DNAH8: variants seen among roughly 807,000 people sequenced by gnomAD.
The protein encoded by DNAH8 is axonemal beta dynein heavy chain 8.
DNAH8 carries 382 observed loss-of-function variants against 562.1 expected under a neutral mutation model. The observed-to-expected ratio is 0.68, with a 90% CI of 0.63 to 0.74. DNAH8 has a LOEUF of 0.74. Among genes scored for constraint, DNAH8 ranks in the 30% least tolerant of loss-of-function variants. DNAH8 has a pLI of 0.00. For missense variants in DNAH8, 5,203 were observed against 5,620.4 expected (o/e 0.93, Z 2.37); for synonymous variants, 1,881 against 1,919.4 (o/e 0.98, Z 0.52).
Position 38,758,005 on chromosome 6 carries a change from G to A in DNAH8, c.1515+1926G>A, listed in dbSNP as rs939998545. Among the ~76,000 whole-genome samples, 7 of 151,818 alleles carry A rather than the reference G, an allele frequency of 4.6e-5. No homozygotes were observed. The South Asian group carries it at 8.3e-4, about 18-fold the overall frequency. ...CTTAGGATTGACTTGGCAATTTTTT[G>A]CCAGGGCTCTTTTTTGGTGCCATAT... On this transcript the variant is annotated intron_variant, in intron 10 of 92. Transcript: ENST00000327475.
At chr6:38,982,517 T>G (rs2150714265) in intron 86 of DNAH8, 55 bp downstream of exon 86, 3 of 965,102 alleles carry the variant, frequency 3.1e-6, no homozygotes, top group East Asian at 2.4e-5. Flanking sequence ...AAATCAGGGT[T>G]CTACAGTCAT....
intron 88 of DNAH8, among the ~76,000 whole-genome samples, chr6:38,993,146 C>G (rs1049578929): frequency 3.3e-5 from 5 of 152,146 alleles, no homozygotes; most frequent in African/African-American, 9.7e-5. Context: ...TTGTCTTCCC[C>G]CATTCCATAT....
intron 14 of DNAH8, among the ~76,000 whole-genome samples, chr6:38,779,745 T>C (rs1371828685): frequency 6.6e-6 from 1 of 152,222 alleles, no homozygotes; most frequent in Non-Finnish European, 1.5e-5. Context: ...AATAATTATT[T>C]TTGTTACTCT....
At chr6:38,871,645 A>G (rs1228329981) in intron 49 of DNAH8, among the ~76,000 whole-genome samples, 2 of 152,128 alleles carry the variant, frequency 1.3e-5, no homozygotes, top group Non-Finnish European at 2.9e-5. Context: ...TTAATGAGAA[A>G]ACTGCAGACG....
chr6:38,777,189 G>A (rs1391688117), intron 13 of DNAH8, among the ~76,000 whole-genome samples: 2 of 152,022 alleles, frequency 1.3e-5, no homozygotes, highest in African/African-American at 2.4e-5. Flanking sequence ...ATTACTTTTA[G>A]TGTTTGGCTG....
intron 36 of DNAH8, among the ~76,000 whole-genome samples, chr6:38,846,069 T>G (rs185514723): frequency 7.9e-6 from 1 of 127,114 alleles, no homozygotes; most frequent in Admixed American, 8.7e-5. Flanking sequence ...GATGACCTCT[T>G]CATTTCATCT....
chr6:38,905,880 CTA>C (rs1462944086), intron 62 of DNAH8, among the ~76,000 whole-genome samples: 1 of 151,660 alleles, frequency 6.6e-6, no homozygotes, highest in Non-Finnish European at 1.5e-5. Flanking sequence ...TAAATTATGA[CTA>C]TGGTTTTTTT....
At chr6:38,782,601 G>A (rs1206766974) in intron 16 of DNAH8, among the ~76,000 whole-genome samples, 5 of 152,128 alleles carry the variant, frequency 3.3e-5, no homozygotes, top group East Asian at 1.9e-4. Context: ...TATTTTTATC[G>A]TTTGATACAT....
rs1781206765 is a variant in DNAH8 at position 38,915,133 on chromosome 6, C to G, written c.9964-68C>G. The G allele has an allele frequency of 3.8e-6, 5 of 1,301,568 alleles. No individual in the cohort carries two copies. In the Admixed American group the frequency reaches 1.2e-4, roughly 32 times the overall value. 80.6% of individuals were successfully genotyped at this position (1,301,568 alleles called of 1,614,324 possible). On this transcript the variant is annotated intron_variant, in intron 67 of 92. Coordinates refer to ENST00000327475, the MANE Select transcript of DNAH8 (RefSeq NM_001206927.2). ...ATTATGTTGAATAAATATTTGCTCACTATTCAGATCTATAAATTTTGCTTG... is the reference window on the plus strand; with the variant it reads ...ATTATGTTGAATAAATATTTGCTCAGTATTCAGATCTATAAATTTTGCTTG...
chr6:38,848,764 T>C lies in DNAH8; in HGVS notation c.5162T>C (p.Val1721Ala), dbSNP rs770159111. ...VQNLWVYLEA[V>A]FVGGDIAKQL... is the part of the protein sequence containing the mutation. Reference sequence around the variant, plus strand: ...AACCTTTGGGTTTATCTTGAAGCCGTCTTTGTAGGTGGAGATATTGCCAAA... The same window carrying C: ...AACCTTTGGGTTTATCTTGAAGCCGCCTTTGTAGGTGGAGATATTGCCAAA... The change falls in exon 37 of 93, where the codon GTC becomes GCC. Residue 1721 changes from valine (V) to alanine (A), a missense_variant. By Grantham distance (64) the Val-to-Ala change is moderately conservative. This residue lies in a region of DNAH8 where 2,176 missense variants were observed against 2,365.1 expected (regional missense o/e 0.92). Transcript: ENST00000327475. The C allele has an allele frequency of 1.9e-6, 3 of 1,613,386 alleles. No individual in the cohort carries two copies. The African/African-American group carries it at 4.0e-5, about 22-fold the overall frequency.
chr6:38,941,792 G>A (rs190312255), intron 79 of DNAH8, among the ~76,000 whole-genome samples: 6 of 152,304 alleles, frequency 3.9e-5, no homozygotes, highest in Non-Finnish European at 8.8e-5. Flanking sequence ...TGAAATCCAG[G>A]CAGCAGTGGC....
In DNAH8 at chr6:38,833,370, G is replaced by GT. The variant is rs1232282219; in HGVS notation, c.4302+945dup. 1.7e-3 allele frequency among the ~76,000 whole-genome samples: 241 copies of GT among 145,876 alleles called. 1 individual carries two copies. The highest frequency in any genetic ancestry group is 5.0e-3 in the African/African-American group (198 of 39,708). On this transcript the variant is annotated intron_variant, in intron 31 of 92. Coordinates refer to ENST00000327475, the MANE Select transcript of DNAH8 (RefSeq NM_001206927.2). ...AGACACAGCCAGTCACTTATATAATGTTTTTTTTTTAACATGTACTAAACA... is the reference window on the plus strand; with the variant it reads ...AGACACAGCCAGTCACTTATATAATGTTTTTTTTTTTAACATGTACTAAACA...
chr6:38,821,953 C>T (rs1772891126), intron 26 of DNAH8, among the ~76,000 whole-genome samples: 1 of 152,190 alleles, frequency 6.6e-6, no homozygotes, highest in Non-Finnish European at 1.5e-5. Context: ...TCCTGTCAGC[C>T]TGGCCACAAT....
chr6:38,770,371 T>C (rs369244749), intron 11 of DNAH8, 42 bp from the exon 12 acceptor site: 16 of 1,363,320 alleles, frequency 1.2e-5, no homozygotes, highest in Non-Finnish European at 1.6e-5. Context: ...CCTGAACAAA[T>C]GTCTCACTTT....
At chr6:38,930,150 A>G (rs1179044540) in intron 75 of DNAH8, among the ~76,000 whole-genome samples, 2 of 152,198 alleles carry the variant, frequency 1.3e-5, no homozygotes, top group Admixed American at 1.3e-4. Context: ...TAATAAAGTC[A>G]TTTTAATAAA....
In DNAH8 at chr6:38,919,053, T is replaced by C. The variant is rs372526692; in HGVS notation, c.10524+913T>C. Among the ~76,000 whole-genome samples the C allele has an allele frequency of 3.1e-3, 477 of 151,574 alleles. 2 individuals are homozygous for C. The highest frequency in any genetic ancestry group is 5.5e-3 in the Non-Finnish European group (375 of 67,824). ...CAAAAAACACACCCCAACAAAAAGATACTAAGGGAGAAATCTTACAATAAA... is the reference window on the plus strand; with the variant it reads ...CAAAAAACACACCCCAACAAAAAGACACTAAGGGAGAAATCTTACAATAAA... On this transcript the variant is annotated intron_variant, in intron 70 of 92. Coordinates refer to ENST00000327475, the MANE Select transcript of DNAH8 (RefSeq NM_001206927.2).
At chr6:38,756,912 G>A (rs1042374386) in intron 10 of DNAH8, among the ~76,000 whole-genome samples, 4 of 151,086 alleles carry the variant, frequency 2.6e-5, no homozygotes, top group African/African-American at 4.9e-5. Flanking sequence ...TCTTAATCCC[G>A]TCTATCATTG....
intron 61 of DNAH8, among the ~76,000 whole-genome samples, chr6:38,899,566 C>A (rs958529491): frequency 2.6e-5 from 4 of 152,210 alleles, no homozygotes; most frequent in African/African-American, 9.6e-5. Context: ...TTCTGTTCTT[C>A]ATGATGTAAA....
At chr6:38,913,654 G>C (rs1781076905) in intron 66 of DNAH8, among the ~76,000 whole-genome samples, 195 bp from the exon 67 acceptor site, 1 of 152,014 alleles carries the variant, frequency 6.6e-6, no homozygotes, top group African/African-American at 2.4e-5. Flanking sequence ...TATTTTCTTT[G>C]CCTTCCTGTT....
Sources: gnomAD v4.1 joint callset for allele counts (sites outside exome capture counted in the v4.1 genomes callset) on GRCh38, gnomAD v4.1.1 for gene constraint, gnomAD v4.1.1 regional missense constraint, MANE v1.5 for transcripts, NCBI Gene and HGNC (gene_info 2026-07-23, HGNC 2026-07-21) for gene names.